The following CASZ1 variants were observed in gnomAD, a reference collection of about 807,000 sequenced individuals.
CASZ1 encodes the protein castor zinc finger 1, also known as zinc finger protein castor homolog 1.
A neutral mutation model predicts 135.2 loss-of-function variants in CASZ1; 28 were observed. The ratio of observed to expected loss-of-function variants is 0.21; its 90% CI spans 0.15 to 0.28. The LOEUF (loss-of-function observed/expected upper bound fraction) is 0.28. CASZ1 is among the 10% of genes least tolerant of loss of function. The pLI is 1.00. For synonymous variants in CASZ1, 1,068 were observed against 1,073.4 expected, an observed-to-expected ratio of 0.99 and a Z score of 0.10; for missense variants, 2,161 against 2,453.3, an observed-to-expected ratio of 0.88 and a Z score of 2.52.
intron 1 of CASZ1, among the ~76,000 whole-genome samples, chr1:10,789,575 TC>T (rs1271181520): frequency 1.3e-5 from 2 of 151,288 alleles, no homozygotes; most frequent in Non-Finnish European, 2.9e-5. Context: ...TCTCTCTCTC[TC>T]CCCGCACCTT....
In CASZ1 at chr1:10,676,819, A is replaced by G. The variant is rs1638241198; in HGVS notation, c.17-11248T>C. The stretch of plus-strand genomic sequence containing the variant: ...TGGAGAAGAGATGCTGGGCTGGGCC[A>G]GAGACTCTCTCTAACATCCTGTCTC... On this transcript the variant is annotated intron_variant, in intron 4 of 20. Transcript: ENST00000377022. This position sits in a 1 kb window ranked among gnomAD's most constrained non-coding sequence, Gnocchi z 4.5. Among the ~76,000 whole-genome samples, 2 of 152,212 alleles carry G rather than the reference A, an allele frequency of 1.3e-5. No homozygotes were observed. The highest frequency in any genetic ancestry group is 2.4e-5 in the African/African-American group (1 of 41,462).
intron 6 of CASZ1, among the ~76,000 whole-genome samples, chr1:10,658,840 G>A (rs1042146798): frequency 6.6e-6 from 1 of 152,222 alleles, no homozygotes; most frequent in Non-Finnish European, 1.5e-5. Context: ...ACAGAAGCCC[G>A]GGCTCGGCAC....
chr1:10,672,485 G>A (rs1252977706), intron 4 of CASZ1, among the ~76,000 whole-genome samples: 1 of 144,870 alleles, frequency 6.9e-6, no homozygotes, highest in Non-Finnish European at 1.5e-5. Flanking sequence ...TCCGCCCGCC[G>A]GCCCGCCCCC....
At chr1:10,748,393 G>A (rs757487249) in intron 2 of CASZ1, among the ~76,000 whole-genome samples, 1 of 152,238 alleles carries the variant, frequency 6.6e-6, no homozygotes, top group African/African-American at 2.4e-5. Flanking sequence ...GCCTAACAGT[G>A]ACAGAGGCAG....
At chr1:10,775,086 G>A (rs368682648) in intron 1 of CASZ1, among the ~76,000 whole-genome samples, 12 of 151,712 alleles carry the variant, frequency 7.9e-5, no homozygotes, top group Non-Finnish European at 1.2e-4. Flanking sequence ...CCAGGCAGTC[G>A]GCCAGAAAAC....
At chr1:10,782,748 G>T (rs1238049453) in intron 1 of CASZ1, among the ~76,000 whole-genome samples, 1 of 152,196 alleles carries the variant, frequency 6.6e-6, no homozygotes, top group Non-Finnish European at 1.5e-5. Context: ...GGGAAGGGGA[G>T]TGGGCCTGGT....
intron 1 of CASZ1, among the ~76,000 whole-genome samples, chr1:10,795,815 CATCT>C (rs1242219960): frequency 1.3e-5 from 2 of 152,158 alleles, no homozygotes; most frequent in Non-Finnish European, 2.9e-5. Context: ...CCGCTCCCCC[CATCT>C]AAGAAATCTC....
Position 10,767,041 on chromosome 1 carries a change from G to T in CASZ1, c.-233-6184C>A, listed in dbSNP as rs972553347. On this transcript the variant is annotated intron_variant, in intron 1 of 20. Coordinates refer to ENST00000377022, the MANE Select transcript of CASZ1 (RefSeq NM_001079843.3). The surrounding 1 kb of genome is among the most constrained non-coding windows in gnomAD (Gnocchi z 4.2). ...AGGCAGAGTGGTGGGACCTAGACTCGCTCTTCCCAAACTTCAGAAGGAAAA... is the reference window on the plus strand; with the variant it reads ...AGGCAGAGTGGTGGGACCTAGACTCTCTCTTCCCAAACTTCAGAAGGAAAA... Among the ~76,000 whole-genome samples the T allele has an allele frequency of 6.6e-6, 1 of 152,192 alleles. No homozygotes were observed.
At chr1:10,640,918 G>A (rs1642183467) in intron 20 of CASZ1, among the ~76,000 whole-genome samples, 1 of 152,168 alleles carries the variant, frequency 6.6e-6, no homozygotes, top group African/African-American at 2.4e-5. Context: ...ATGGGTGAGG[G>A]GAAGCCCCAG....
intron 6 of CASZ1, among the ~76,000 whole-genome samples, chr1:10,658,909 G>A (rs988090605): frequency 6.6e-6 from 1 of 152,192 alleles, no homozygotes; most frequent in African/African-American, 2.4e-5. Flanking sequence ...CTCCCAACAG[G>A]GAGGGATTCG....
chr1:10,670,940 C>T (rs1385587030), intron 4 of CASZ1, among the ~76,000 whole-genome samples: 1 of 152,194 alleles, frequency 6.6e-6, no homozygotes, highest in East Asian at 1.9e-4. Flanking sequence ...CCTCTAAGTT[C>T]TGTGGGAGGA....
rs1202269579 is a variant in CASZ1 at position 10,735,949 on chromosome 1, A to G, written c.-77+24752T>C. On this transcript the variant is annotated intron_variant, in intron 2 of 20. Coordinates refer to ENST00000377022, the MANE Select transcript of CASZ1 (RefSeq NM_001079843.3). This position sits in a 1 kb window ranked among gnomAD's most constrained non-coding sequence, Gnocchi z 5.1. ...TGCCCTGCGGACACCACTCTCTCCT[A>G]CCCAGGGGCAGGGCAGTTTGACCTC... Among the ~76,000 whole-genome samples the G allele has an allele frequency of 6.6e-6, 1 of 152,118 alleles. No individual in the cohort carries two copies. Among genetic ancestry groups the G allele is most frequent in the Non-Finnish European group, 1.5e-5 (1 of 68,018 alleles).
chr1:10,681,223 C>CT (rs544461350), intron 4 of CASZ1, among the ~76,000 whole-genome samples: 57 of 149,134 alleles, frequency 3.8e-4, no homozygotes, highest in African/African-American at 1.2e-3. Flanking sequence ...TCCTTGAAGT[C>CT]TTTTATCCAT....
chr1:10,791,037 G>A (rs2100633975), intron 1 of CASZ1, among the ~76,000 whole-genome samples: 1 of 150,494 alleles, frequency 6.6e-6, no homozygotes, highest in African/African-American at 2.5e-5. Flanking sequence ...AAGGGGAGAT[G>A]TGCCATCTAT....
At position 10,660,197 on chromosome 1, in the gene CASZ1, G is replaced by C. The variant is rs61736951; in HGVS notation, c.845C>G (p.Thr282Arg). The C allele has an allele frequency of 6.2e-7, 1 of 1,613,252 alleles. No individual in the cohort carries two copies. The highest frequency in any genetic ancestry group is 1.1e-5 in the South Asian group (1 of 91,068). The change falls in exon 6 of 21, where the codon ACG becomes AGG. Residue 282 changes from threonine to arginine, a missense_variant. Coordinates refer to ENST00000377022, the MANE Select transcript of CASZ1 (RefSeq NM_001079843.3). ...TLPGLRLPSSTAHLETKATIL... is the reference protein window; with the variant it reads ...TLPGLRLPSSRAHLETKATIL... ...GGTGGCCTTGGTCTCCAGGTGGGCC[G>C]TGCTGCTGGGCAGCCGCAGGCCGGG... is the stretch of plus-strand genomic sequence containing the variant.
rs779204842 is a variant in CASZ1 at position 10,643,151 on chromosome 1, G to C, written c.4020+9C>G. 4.2e-5 allele frequency: 67 copies of C among 1,610,064 alleles called. No homozygotes were observed. In the Admixed American group the frequency reaches 1.0e-3, roughly 25 times the overall value. ...CCTGGCTGGGCTCTCACCTGGGGGG[G>C]GCTCTCACCTGGGAGGGGGGCACGC... is the stretch of plus-strand genomic sequence containing the variant. On this transcript the variant is annotated intron_variant, in intron 19 of 20. Coordinates refer to ENST00000377022, the MANE Select transcript of CASZ1 (RefSeq NM_001079843.3).
chr1:10,783,440 T>C (rs1003810897), intron 1 of CASZ1, among the ~76,000 whole-genome samples: 5 of 150,676 alleles, frequency 3.3e-5, no homozygotes, highest in Admixed American at 3.3e-4. Context: ...CCAAATTAGG[T>C]CTCCAGAAGG....
intron 3 of CASZ1, among the ~76,000 whole-genome samples, chr1:10,702,121 A>G (rs1008612569): frequency 6.6e-6 from 1 of 152,188 alleles, no homozygotes; most frequent in Middle Eastern, 3.2e-3. Context: ...GAGTGTGGGT[A>G]CAGGTCCCAA....
At chr1:10,671,064 TG>T (rs1465364147) in intron 4 of CASZ1, among the ~76,000 whole-genome samples, 2 of 152,330 alleles carry the variant, frequency 1.3e-5, no homozygotes, top group East Asian at 3.9e-4. Flanking sequence ...GGCCCTAGCT[TG>T]CCCCACTTTG....
Sources: allele counts gnomAD v4.1 joint callset (sites outside exome capture counted in the v4.1 genomes callset), GRCh38; gene constraint gnomAD v4.1.1; non-coding constraint Gnocchi (gnomAD v3.1); transcripts MANE v1.5; gene names NCBI Gene and HGNC (gene_info 2026-07-23, HGNC 2026-07-21).